Variants in ELMO1 observed in about 807,000 individuals in gnomAD.
ELMO1 encodes the protein engulfment and cell motility protein 1.
Under a neutral mutation model 98.9 loss-of-function variants are expected in ELMO1, and 26 were observed. That is an observed-to-expected ratio of 0.26 (90% CI 0.19 to 0.36). The LOEUF (loss-of-function observed/expected upper bound fraction) is 0.36, where lower values mean the gene tolerates loss of function less well. ELMO1 is among the 10% of genes least tolerant of loss of function. The pLI is 1.00. For synonymous variants in ELMO1, 346 were observed against 346.0 expected (o/e 1.00, Z 0.00); for missense variants, 627 against 935.2 (o/e 0.67, Z 4.30).
At chr7:36,857,605 A>G (rs557725531) in intron 21 of ELMO1, among the ~76,000 whole-genome samples, 2 of 152,344 alleles carry the variant, frequency 1.3e-5, no homozygotes, top group African/African-American at 4.8e-5. Context: ...ATTTTATGTG[A>G]AAGTACATCG....
At chr7:36,934,995 AC>A (rs1786386849) in intron 16 of ELMO1, among the ~76,000 whole-genome samples, 1 of 152,176 alleles carries the variant, frequency 6.6e-6, no homozygotes, top group South Asian at 2.1e-4. Flanking sequence ...GGTCTCCACC[AC>A]TGCAAGTTTT....
chr7:37,287,194 C>CAAA (rs59637350), intron 4 of ELMO1, among the ~76,000 whole-genome samples: 1 of 99,846 alleles, frequency 1.0e-5, no homozygotes. Flanking sequence ...GACTCCTTCT[C>CAAA]AAAAAAAAAA....
intron 16 of ELMO1, among the ~76,000 whole-genome samples, chr7:36,973,954 C>T (rs1459704570): frequency 6.6e-6 from 1 of 152,244 alleles, no homozygotes; most frequent in Non-Finnish European, 1.5e-5. Flanking sequence ...CAATTTCTCA[C>T]TGGGCCTTAG....
intron 16 of ELMO1, among the ~76,000 whole-genome samples, chr7:36,951,548 A>C (rs1368976925): frequency 6.6e-6 from 1 of 152,196 alleles, no homozygotes; most frequent in East Asian, 1.9e-4. Flanking sequence ...CATTAAACAC[A>C]GACTGCTGGG....
At chr7:37,394,746 G>A (rs1012859548) in intron 1 of ELMO1, among the ~76,000 whole-genome samples, 1 of 152,118 alleles carries the variant, frequency 6.6e-6, no homozygotes, top group African/African-American at 2.4e-5. Flanking sequence ...GGAGGGCCTG[G>A]GGGGCTTCTG....
At chr7:36,933,201 G>A (rs1350838246) in intron 16 of ELMO1, among the ~76,000 whole-genome samples, 3 of 152,256 alleles carry the variant, frequency 2.0e-5, no homozygotes, top group Admixed American at 6.5e-5. Flanking sequence ...GGCTGCAGGC[G>A]AGGAATCACT....
At chr7:37,062,201 G>A (rs770111264) in intron 15 of ELMO1, among the ~76,000 whole-genome samples, 90 of 152,260 alleles carry the variant, frequency 5.9e-4, no homozygotes, top group Non-Finnish European at 9.6e-4. Flanking sequence ...TGACAATCAC[G>A]CTCTGTGTGT....
At chr7:36,912,868 G>T (rs1784434188) in intron 16 of ELMO1, among the ~76,000 whole-genome samples, 1 of 152,048 alleles carries the variant, frequency 6.6e-6, no homozygotes, top group South Asian at 2.1e-4. Flanking sequence ...AGAATTTTTG[G>T]TGCACAGTAT....
chr7:37,152,418 T>C (rs544855607), intron 13 of ELMO1, among the ~76,000 whole-genome samples: 1 of 150,998 alleles, frequency 6.6e-6, no homozygotes, highest in South Asian at 2.1e-4. Flanking sequence ...CCCAGGTATG[T>C]TCTGGCACCT....
chr7:37,201,403 G>A (rs985729097), intron 13 of ELMO1, among the ~76,000 whole-genome samples: 1 of 152,138 alleles, frequency 6.6e-6, no homozygotes, highest in African/African-American at 2.4e-5. Flanking sequence ...AAAGCAGAAA[G>A]CAAAAATTGC....
intron 8 of ELMO1, among the ~76,000 whole-genome samples, chr7:37,225,967 C>T (rs1291060672): frequency 1.3e-5 from 2 of 152,152 alleles, no homozygotes; most frequent in African/African-American, 4.8e-5. Context: ...TGCTTCCCCC[C>T]TGTCAACACT....
At chr7:37,159,423 G>C (rs767124063) in intron 13 of ELMO1, among the ~76,000 whole-genome samples, 4 of 152,204 alleles carry the variant, frequency 2.6e-5, no homozygotes, top group Non-Finnish European at 5.9e-5. Context: ...TCAGGGGGCT[G>C]GGCACGGTGG....
At chr7:36,886,673 A>C (rs761468234) in intron 18 of ELMO1, among the ~76,000 whole-genome samples, 2 of 151,908 alleles carry the variant, frequency 1.3e-5, no homozygotes, top group African/African-American at 2.4e-5. Flanking sequence ...TGGTATGAAG[A>C]CTCTAGCTGT....
At chr7:37,403,442 AG>A (rs370265249) in intron 1 of ELMO1, among the ~76,000 whole-genome samples, 2 of 152,174 alleles carry the variant, frequency 1.3e-5, no homozygotes, top group Non-Finnish European at 2.9e-5. Flanking sequence ...GGAGGACGGT[AG>A]GGGGGTGCAT....
intron 21 of ELMO1, among the ~76,000 whole-genome samples, chr7:36,859,172 G>A (rs1299934044): frequency 6.6e-6 from 1 of 152,006 alleles, no homozygotes; most frequent in Admixed American, 6.6e-5. Flanking sequence ...GCAATGCATG[G>A]ATCTTATTTG....
intron 4 of ELMO1, among the ~76,000 whole-genome samples, chr7:37,287,518 T>C (rs1210343274): frequency 6.6e-6 from 1 of 152,238 alleles, no homozygotes; most frequent in East Asian, 1.9e-4. Context: ...TATTTAGAGA[T>C]AACTGTGATA....
chr7:37,366,390 C>T (rs1474690161), intron 1 of ELMO1, among the ~76,000 whole-genome samples: 5 of 152,162 alleles, frequency 3.3e-5, no homozygotes, highest in Admixed American at 6.5e-5. Flanking sequence ...CACTTCATCA[C>T]ACGTAGGGTC....
chr7:37,265,292 G>A (rs1796180361), intron 5 of ELMO1, among the ~76,000 whole-genome samples: 1 of 151,968 alleles, frequency 6.6e-6, no homozygotes, highest in East Asian at 1.9e-4. Context: ...GCCTTCTCAA[G>A]TATTTTACTT....
chr7:37,332,627 T>C (rs1182517456), intron 2 of ELMO1, among the ~76,000 whole-genome samples: 2 of 152,234 alleles, frequency 1.3e-5, no homozygotes, highest in African/African-American at 4.8e-5. Context: ...GAAAATCACA[T>C]TTTTAAAGAC....
Sources: gnomAD v4.1 joint callset for allele counts (sites outside exome capture counted in the v4.1 genomes callset) on GRCh38, gnomAD v4.1.1 for gene constraint, MANE v1.5 for transcripts, NCBI Gene and HGNC (gene_info 2026-07-23, HGNC 2026-07-21) for gene names.